Variants in HIP1 observed in about 807,000 individuals in gnomAD.
HIP1 encodes the protein huntingtin-interacting protein 1.
In HIP1, 65 loss-of-function variants were observed where a neutral mutation model predicts 147.6. The observed-to-expected ratio is 0.44, with a 90% CI of 0.36 to 0.54. The LOEUF (loss-of-function observed/expected upper bound fraction) is 0.54, where lower values mean the gene tolerates loss of function less well. HIP1 is among the 20% of genes least tolerant of loss of function. The pLI is 0.00. For missense variants in HIP1, 1,061 were observed against 1,299.6 expected, an observed-to-expected ratio of 0.82 and a Z score of 2.82; for synonymous variants, 479 against 504.0, an observed-to-expected ratio of 0.95 and a Z score of 0.67.
Position 75,586,766 on chromosome 7 carries a change from T to C in HIP1, c.452A>G (p.Glu151Gly), listed in dbSNP as rs1796302896. 6.2e-7 allele frequency: 1 copy of C among 1,611,688 alleles called. No individual in the cohort carries two copies. The highest frequency in any genetic ancestry group is 8.5e-7 in the Non-Finnish European group (1 of 1,177,936). The change falls in exon 5 of 31, where the codon GAG (glutamate) becomes GGG (glycine). Residue 151 changes from glutamate to glycine, a missense_variant. By Grantham distance (98) the Glu-to-Gly change is moderately conservative (BLOSUM62 -2). Around this residue, in one of 3 missense-constraint regions of HIP1, gnomAD observed 225 missense variants for 292.9 expected, o/e 0.77. Coordinates refer to ENST00000336926, the MANE Select transcript of HIP1 (RefSeq NM_005338.7). ...IYLKLLRTKM[E>G]YHTKNPRFPG... The stretch of plus-strand genomic sequence containing the variant: ...GCAGAGACTCACTTTGGTGTGGTAC[T>C]CCATCTTGGTTCTTAGCAGTTTCAG...
intron 3 of HIP1, 110 bp from the exon 4 acceptor site, chr7:75,592,222 G>T: frequency 7.3e-7 from 1 of 1,370,976 alleles, no homozygotes; most frequent in Non-Finnish European, 1.0e-6. Flanking sequence ...ACAGGCTGAT[G>T]GGAGGGAGAC....
At chr7:75,709,318 G>A (rs1043298894) in intron 1 of HIP1, among the ~76,000 whole-genome samples, 3 of 151,788 alleles carry the variant, frequency 2.0e-5, no homozygotes, top group South Asian at 2.1e-4. Context: ...TCACCATGTC[G>A]GTCAGGCTGG....
intron 1 of HIP1, among the ~76,000 whole-genome samples, chr7:75,643,155 G>T (rs1798702428): frequency 6.6e-6 from 1 of 152,184 alleles, no homozygotes; most frequent in Non-Finnish European, 1.5e-5. Flanking sequence ...AGGCTTTATA[G>T]CCTCCTTTAG....
At chr7:75,635,476 G>GC (rs1389028668) in intron 1 of HIP1, among the ~76,000 whole-genome samples, 1 of 151,670 alleles carries the variant, frequency 6.6e-6, no homozygotes. Flanking sequence ...TACTCGGGAG[G>GC]CTAAGGCAGG....
chr7:75,542,770 G>T, intron 28 of HIP1, 81 bp downstream of exon 28: 1 of 1,294,236 alleles, frequency 7.7e-7, no homozygotes, highest in Non-Finnish European at 1.1e-6. Flanking sequence ...AGTCCTGTGG[G>T]ATTTGGTTGG....
intron 1 of HIP1, among the ~76,000 whole-genome samples, chr7:75,642,774 TC>T (rs1798688473): frequency 6.6e-6 from 1 of 152,110 alleles, no homozygotes; most frequent in African/African-American, 2.4e-5. Context: ...ACACAGCCAG[TC>T]CCTTGGGAGT....
rs781908236 is a variant in HIP1, at chr7:75,535,278, C to T, written c.*2894G>A. On this transcript the variant is annotated 3_prime_UTR_variant, in exon 31 of 31. Transcript: ENST00000336926. ...GTTTGTTTTTAAAGAGATGGAGTCTCGCTCTGTCACTCAGGCTGGAGTGCA... is the reference window on the plus strand; with the variant it reads ...GTTTGTTTTTAAAGAGATGGAGTCTTGCTCTGTCACTCAGGCTGGAGTGCA... 2.5e-5 allele frequency: 5 copies of T among 201,726 alleles called. No individual in the cohort carries two copies. Among genetic ancestry groups the T allele is most frequent in the Non-Finnish European group, 5.1e-5 (5 of 98,076 alleles). The allele number at this position is 201,726 out of a possible 1,614,324, so 12.5% of individuals were successfully genotyped here.
Position 75,592,498 on chromosome 7 carries a change from G to C in HIP1, c.201C>G (p.Thr67=), listed in dbSNP as rs148400001. ...EKHARTCILG[T]HHEKGAQTFW... ...AGGTCTGTGCCCCTTTCTCATGGTG[G>C]GTGCCCAGTATGCACGGTGAGGGGG... Residue 67 remains threonine, a synonymous_variant, in exon 3 of 31, where the codon ACC becomes ACG. Transcript: ENST00000336926. The C allele has an allele frequency of 6.6e-5, 107 of 1,610,976 alleles. No homozygotes were observed. The Middle Eastern group carries it at 3.8e-3, about 57-fold the overall frequency.
chr7:75,570,874 G>C (rs1468392807), intron 8 of HIP1, among the ~76,000 whole-genome samples: 2 of 151,920 alleles, frequency 1.3e-5, no homozygotes, highest in Non-Finnish European at 2.9e-5. Context: ...GCCAGGCATG[G>C]TGGCGGGCAC....
intron 1 of HIP1, among the ~76,000 whole-genome samples, chr7:75,637,979 C>CT (rs1798485541): frequency 2.1e-4 from 1 of 4,680 alleles, no homozygotes; most frequent in Non-Finnish European, 6.1e-4. Context: ...AGACCCAGAC[C>CT]CCCCCCCCCC....
chr7:75,576,884 A>G (rs1795864188), intron 7 of HIP1, among the ~76,000 whole-genome samples: 2 of 152,236 alleles, frequency 1.3e-5, no homozygotes, highest in South Asian at 4.1e-4. Flanking sequence ...ACTTTTTAAT[A>G]TATTAGCCAT....
rs587596546 is a variant in HIP1 at position 75,565,728 on chromosome 7, C to T, written c.804-2465G>A. Among the ~76,000 whole-genome samples the T allele has an allele frequency of 5.6e-5, 8 of 142,670 alleles. No individual in the cohort carries two copies. In the East Asian group the frequency reaches 1.7e-3, roughly 30 times the overall value. 93.6% of individuals were successfully genotyped at this position (142,670 alleles called of 152,430 possible). On this transcript the variant is annotated intron_variant, in intron 9 of 30. Coordinates refer to ENST00000336926, the MANE Select transcript of HIP1 (RefSeq NM_005338.7). Reference sequence around the variant, plus strand: ...TTTTGCCTGGTTTCGCCTCCCCTCCCCTCCTTTCCTTTTTTTTTTTTTGGA... The same window carrying T: ...TTTTGCCTGGTTTCGCCTCCCCTCCTCTCCTTTCCTTTTTTTTTTTTTGGA...
chr7:75,608,390 T>G (rs1195691264), intron 1 of HIP1, among the ~76,000 whole-genome samples: 2 of 152,206 alleles, frequency 1.3e-5, no homozygotes, highest in Admixed American at 6.6e-5. Context: ...TTGATGAACA[T>G]GCAAGTCTGA....
chr7:75,574,777 G>A (rs1253868913), intron 7 of HIP1, among the ~76,000 whole-genome samples: 1 of 152,088 alleles, frequency 6.6e-6, no homozygotes, highest in African/African-American at 2.4e-5. Context: ...GATAGCTCAG[G>A]GAAGAAGAGA....
intron 1 of HIP1, among the ~76,000 whole-genome samples, chr7:75,664,500 ATATATG>A (rs1191725287): frequency 2.5e-5 from 1 of 40,484 alleles, no homozygotes; most frequent in South Asian, 6.4e-4. Context: ...ACACATACAT[ATATATG>A]TATGTGTATG....
chr7:75,547,696 ACCAATGT>A, intron 24 of HIP1, 52 bp downstream of exon 24: 2 of 1,404,172 alleles, frequency 1.4e-6, no homozygotes, highest in Non-Finnish European at 2.0e-6. Context: ...CAAAGTATAG[ACCAATGT>A]CAGGAAGACA....
chr7:75,695,226 A>G (rs1398742466), intron 1 of HIP1, among the ~76,000 whole-genome samples: 1 of 152,160 alleles, frequency 6.6e-6, no homozygotes, highest in African/African-American at 2.4e-5. Context: ...GTGGGCAGGC[A>G]GCCAGCACTC....
chr7:75,725,801 G>A (rs1346962714), intron 1 of HIP1, among the ~76,000 whole-genome samples: 2 of 149,988 alleles, frequency 1.3e-5, no homozygotes, highest in Non-Finnish European at 3.0e-5. Context: ...TCTTCTAAAT[G>A]TCTGTGGGTG....
chr7:75,549,024 G>T, intron 22 of HIP1, 23 bp from the exon 23 acceptor site: 1 of 1,543,314 alleles, frequency 6.5e-7, no homozygotes, highest in South Asian at 1.1e-5. Context: ...CACAAAGGCT[G>T]AACTGACCTT....
Sources: gnomAD v4.1 joint callset for allele counts (sites outside exome capture counted in the v4.1 genomes callset) on GRCh38, gnomAD v4.1.1 for gene constraint, gnomAD v4.1.1 regional missense constraint, MANE v1.5 for transcripts, NCBI Gene and HGNC (gene_info 2026-07-23, HGNC 2026-07-21) for gene names.